CFAP47: variants seen among roughly 807,000 people sequenced by gnomAD.
CFAP47 encodes the protein cilia- and flagella-associated protein 47.
In CFAP47, 29 loss-of-function variants were observed where a neutral mutation model predicts 148.1. The observed-to-expected ratio is 0.20, with a 90% CI of 0.15 to 0.27. CFAP47 has a LOEUF of 0.27. Among genes scored for constraint, CFAP47 ranks in the 10% least tolerant of loss-of-function variants. The pLI is 1.00. For missense variants in CFAP47, 1,872 were observed against 1,697.5 expected (o/e 1.10, Z -1.81); for synonymous variants, 664 against 577.3 (o/e 1.15, Z -2.15).
intron 33 of CFAP47, among the ~76,000 whole-genome samples, chrX:36,125,912 C>A (rs1306751342): frequency 2.7e-5 from 3 of 111,071 alleles, no homozygotes; most frequent in Non-Finnish European, 3.8e-5. Context: ...ATTTACTATG[C>A]CTGCGTTATA....
intron 10 of CFAP47, among the ~76,000 whole-genome samples, chrX:35,968,080 G>C (rs942313235): frequency 9.0e-6 from 1 of 110,540 alleles, no homozygotes; most frequent in Non-Finnish European, 1.9e-5. Context: ...GAAGTGAATG[G>C]TATATAAAAT....
chrX:36,356,855 C>T (rs1941790402), intron 60 of CFAP47, among the ~76,000 whole-genome samples: 1 of 111,841 alleles, frequency 8.9e-6, no homozygotes, highest in Non-Finnish European at 1.9e-5. Context: ...CTTCTCTCAT[C>T]TGAGTTTGAA....
rs748240024 is a variant in CFAP47 at position 35,943,608 on chromosome X, ACATGGTCCATTCTTTATGG to A, written c.517+2211_517+2229del. On this transcript the variant is annotated intron_variant, in intron 3 of 63. Coordinates refer to ENST00000378653, the MANE Select transcript of CFAP47 (RefSeq NM_001304548.2). ...CAGTGCTCATCTTTTCTTTCTGAAG[ACATGGTCCATTCTTTATGG>A]TGTCTCTAATGTTAGTACTTTGTAG... Among the ~76,000 whole-genome samples, 112 of 111,661 alleles carry A rather than the reference ACATGGTCCATTCTTTATGG, an allele frequency of 1.0e-3. 1 individual carries two copies. Among genetic ancestry groups the A allele is most frequent in the African/African-American group, 3.4e-3 (105 of 30,870 alleles).
intron 30 of CFAP47, among the ~76,000 whole-genome samples, chrX:36,088,821 T>A (rs1369140347): frequency 8.9e-6 from 1 of 111,810 alleles, no homozygotes; most frequent in Non-Finnish European, 1.9e-5. Context: ...ATAATAAAAT[T>A]TTTAAAAATT....
At chrX:36,310,760 A>T (rs969006531) in intron 55 of CFAP47, 73 bp from the exon 56 acceptor site, 2 of 691,989 alleles carry the variant, frequency 2.9e-6, no homozygotes, top group Non-Finnish European at 4.1e-6. Flanking sequence ...TATATGCATT[A>T]TACTTATTAA....
At chrX:36,059,904 G>A (rs1223658292) in intron 26 of CFAP47, among the ~76,000 whole-genome samples, 1 of 111,085 alleles carries the variant, frequency 9.0e-6, no homozygotes, top group Non-Finnish European at 1.9e-5. Flanking sequence ...TTCTCGCTCT[G>A]TTAGTACCCA....
In CFAP47 at chrX:35,975,249, A is replaced by G. The variant is rs761731952; in HGVS notation, c.2357A>G (p.Asp786Gly). ...CCTATGCATGTTTTGCTCCAGTTAG[A>G]TACTGATTTAGAAGAACTTCAGAAG... ...MLPMHVLLQL[D>G]TDLEELQKTN... Residue 786 changes from aspartate to glycine, a missense_variant, in exon 14 of 64, where the codon GAT becomes GGT. Physicochemically the swap from Asp to Gly is moderately conservative, Grantham distance 94 (BLOSUM62 -1). Coordinates refer to ENST00000378653, the MANE Select transcript of CFAP47 (RefSeq NM_001304548.2). 8.4e-7 allele frequency: 1 copy of G among 1,197,183 alleles called. No individual in the cohort carries two copies. The highest frequency in any genetic ancestry group is 1.1e-6 in the Non-Finnish European group (1 of 882,873).
rs777617621 is a variant in CFAP47, at chrX:35,975,649, T to C, written c.2472-23T>C. On this transcript the variant is annotated intron_variant, in intron 14 of 63. Coordinates refer to ENST00000378653, the MANE Select transcript of CFAP47 (RefSeq NM_001304548.2). ...ACAAATAACTATTATCAGTTAAATTTGGATGCTTTTGCTGCATTACAGGTC... is the reference window on the plus strand; with the variant it reads ...ACAAATAACTATTATCAGTTAAATTCGGATGCTTTTGCTGCATTACAGGTC... 3.3e-6 allele frequency: 4 copies of C among 1,201,917 alleles called. No homozygotes were observed. The South Asian group carries it at 7.2e-5, about 22-fold the overall frequency.
In CFAP47 at chrX:36,342,336, T is replaced by C. The variant is rs189336872; in HGVS notation, c.8444-5793T>C. On this transcript the variant is annotated intron_variant, in intron 57 of 63. Transcript: ENST00000378653. ...AAATATCCCTAAACTGATGTATAAA[T>C]GTAGGGTGATGGCATTTAAAATACC... Among the ~76,000 whole-genome samples, 22 of 112,101 alleles carry C rather than the reference T, an allele frequency of 2.0e-4. No homozygotes were observed. The East Asian group carries it at 5.6e-3, about 28-fold the overall frequency.
intron 62 of CFAP47, among the ~76,000 whole-genome samples, chrX:36,369,353 G>A (rs1941908413): frequency 3.6e-5 from 4 of 110,360 alleles, no homozygotes; most frequent in African/African-American, 9.9e-5. Flanking sequence ...ATCTCAATAG[G>A]GTATTTTCTA....
intron 39 of CFAP47, among the ~76,000 whole-genome samples, chrX:36,177,399 T>C (rs1939697547): frequency 8.9e-6 from 1 of 112,222 alleles, no homozygotes; most frequent in Non-Finnish European, 1.9e-5. Context: ...ATTAGTTACC[T>C]TGGATTTATA....
chrX:36,270,955 T>C (rs782029716), intron 49 of CFAP47, among the ~76,000 whole-genome samples: 1 of 110,305 alleles, frequency 9.1e-6, no homozygotes, highest in East Asian at 2.8e-4. Flanking sequence ...TGCTTTAACA[T>C]TTTGCCCCAG....
rs780760192 is a variant in CFAP47, at chrX:35,967,815, C to A, written c.1797C>A (p.Asp599Glu). The A allele has an allele frequency of 8.3e-7, 1 of 1,197,950 alleles. No individual in the cohort carries two copies. The highest frequency in any genetic ancestry group is 1.8e-5 in the South Asian group (1 of 55,428). Residue 599 changes from aspartate to glutamate, a missense_variant, in exon 10 of 64, where the codon GAC becomes GAA. Transcript: ENST00000378653. ...NDRAATIRSK[D>E]HHKHFRPIFT... is the part of the protein sequence containing the mutation. ...GAGCTGCAACTATCAGGTCTAAAGA[C>A]CATCATAAACATTTCAGGTAACATG...
At chrX:36,349,958 T>C in intron 58 of CFAP47, 80 bp from the exon 59 acceptor site, 2 of 576,643 alleles carry the variant, frequency 3.5e-6, no homozygotes, top group Non-Finnish European at 5.4e-6. Flanking sequence ...TAAAATACCA[T>C]AAAGTTAATA....
At chrX:35,949,817 G>A (rs925037297) in intron 4 of CFAP47, among the ~76,000 whole-genome samples, 2 of 111,784 alleles carry the variant, frequency 1.8e-5, no homozygotes, top group Admixed American at 1.9e-4. Flanking sequence ...TCTGAAATCC[G>A]ACATGCTCTA....
chrX:36,232,779 GC>G (rs1940386464), intron 46 of CFAP47, among the ~76,000 whole-genome samples: 1 of 111,723 alleles, frequency 9.0e-6, no homozygotes, highest in African/African-American at 3.3e-5. Context: ...TCTACACACT[GC>G]TTTAAATGTG....
At chrX:36,349,323 G>A (rs1602120498) in intron 58 of CFAP47, among the ~76,000 whole-genome samples, 2 of 111,308 alleles carry the variant, frequency 1.8e-5, no homozygotes, top group East Asian at 5.7e-4. Context: ...GAGTGCAGTG[G>A]CATGATCTTA....
At chrX:35,997,703 C>A (rs1197027361) in intron 19 of CFAP47, among the ~76,000 whole-genome samples, 3 of 111,015 alleles carry the variant, frequency 2.7e-5, no homozygotes, top group Non-Finnish European at 1.9e-5. Context: ...AATGACACCA[C>A]ATAAATATGA....
intron 46 of CFAP47, among the ~76,000 whole-genome samples, chrX:36,233,992 G>T (rs1028350169): frequency 9.0e-6 from 1 of 111,293 alleles, no homozygotes; most frequent in Non-Finnish European, 1.9e-5. Context: ...TCCACTGTTA[G>T]TCTGATGGGT....
Sources: allele counts gnomAD v4.1 joint callset (sites outside exome capture counted in the v4.1 genomes callset), GRCh38; gene constraint gnomAD v4.1.1; transcripts MANE v1.5; gene names NCBI Gene and HGNC (gene_info 2026-07-23, HGNC 2026-07-21).